The following EXOC3 variants were observed in gnomAD, a reference collection of about 807,000 sequenced individuals.
The protein encoded by EXOC3 is SEC6-like 1.
In EXOC3, 21 loss-of-function variants were observed where a neutral mutation model predicts 73.7. The observed-to-expected ratio is 0.29, with a 90% confidence interval of 0.20 to 0.41. EXOC3 has a LOEUF of 0.41. EXOC3 is among the 10% of genes least tolerant of loss of function. EXOC3 has a pLI of 1.00. For missense variants in EXOC3, 842 were observed against 985.1 expected (o/e 0.85, Z 1.95); for synonymous variants, 410 against 389.1 (o/e 1.05, Z -0.63).
At position 465,209 on chromosome 5, in the gene EXOC3, G is replaced by C; in HGVS notation, c.1875G>C (p.Glu625Asp). 6.3e-7 allele frequency: 1 copy of C among 1,594,290 alleles called. No individual in the cohort carries two copies. Among genetic ancestry groups the C allele is most frequent in the Non-Finnish European group, 8.5e-7 (1 of 1,170,804 alleles). ...TCCGGAGCCCGGAGGAGCGCAAGGAGGGTGCCGAGAAGATGGTTAGGGAGG... is the reference window on the plus strand; with the variant it reads ...TCCGGAGCCCGGAGGAGCGCAAGGACGGTGCCGAGAAGATGGTTAGGGAGG... ...ISFRSPEERK[E>D]GAEKMVREAE... is the part of the protein sequence containing the mutation. The change falls in exon 11 of 13, where the codon GAG becomes GAC. Residue 625 changes from glutamate (E) to aspartate (D), a missense_variant. Transcript: ENST00000512944.
At chr5:463,773 T>C (rs1738055294) in intron 9 of EXOC3, among the ~76,000 whole-genome samples, 1 of 152,246 alleles carries the variant, frequency 6.6e-6, no homozygotes, top group Non-Finnish European at 1.5e-5. Context: ...TTATACAGAT[T>C]CACTGTTGCA....
chr5:452,791 A>T (rs1363681686), intron 3 of EXOC3, among the ~76,000 whole-genome samples: 1 of 152,122 alleles, frequency 6.6e-6, no homozygotes, highest in East Asian at 1.9e-4. Flanking sequence ...CCACTTCCGA[A>T]TTTTTCCTAT....
chr5:466,946 C>A lies in EXOC3; in HGVS notation c.*48C>A. ...GCCCCTCCACAGCCTCGGTCCCTGCCTTTAGAAACGCGGGACAGCTGATTG... is the reference window on the plus strand; with the variant it reads ...GCCCCTCCACAGCCTCGGTCCCTGCATTTAGAAACGCGGGACAGCTGATTG... On this transcript the variant is annotated 3_prime_UTR_variant, in exon 13 of 13. Transcript: ENST00000512944. 1.3e-6 allele frequency: 2 copies of A among 1,524,408 alleles called. No individual in the cohort carries two copies. Among genetic ancestry groups the A allele is most frequent in the Non-Finnish European group, 8.9e-7 (1 of 1,126,914 alleles). 94.4% of individuals were successfully genotyped at this position (1,524,408 alleles called of 1,614,324 possible). A position where few individuals can be genotyped will look rare whatever the true frequency, so the allele number is the denominator to read the frequency against.
At chr5:464,702 C>T (rs1377631696) in intron 10 of EXOC3, 14 of 406,304 alleles carry the variant, frequency 3.4e-5, no homozygotes, top group Non-Finnish European at 6.4e-5. Context: ...CCTGAGGCCC[C>T]AGGGATTTCT....
intron 1 of EXOC3, among the ~76,000 whole-genome samples, chr5:445,247 C>T (rs75808692): frequency 0.02 from 3,002 of 152,024 alleles, 43 homozygotes; most frequent in Non-Finnish European, 0.032. Flanking sequence ...GTGGTCTGCA[C>T]GGGGCCTGCA....
Position 453,541 on chromosome 5 carries a change from G to A in EXOC3, c.536G>A (p.Ser179Asn), listed in dbSNP as rs1737715667. 16 of 1,614,038 alleles carry A rather than the reference G, an allele frequency of 9.9e-6. No individual in the cohort carries two copies. Among genetic ancestry groups the A allele is most frequent in the Non-Finnish European group, 1.4e-5 (16 of 1,179,896 alleles). The change falls in exon 4 of 13, where the codon AGC (serine) becomes AAC (asparagine). Residue 179 changes from serine (S) to asparagine (N), a missense_variant. Ser to Asn is a conservative substitution (Grantham distance 46). Transcript: ENST00000512944. ...ACCCTCATCCATGGCTACTTTGGCAGCACGCAGGGGCTCTCTGATGAGCTG... is the reference window on the plus strand; with the variant it reads ...ACCCTCATCCATGGCTACTTTGGCAACACGCAGGGGCTCTCTGATGAGCTG... Reference protein sequence around the residue: ...DMTLIHGYFGSTQGLSDELAK... With the variant: ...DMTLIHGYFGNTQGLSDELAK...
chr5:458,663 G>A (rs1392649935), intron 6 of EXOC3, among the ~76,000 whole-genome samples: 1 of 152,188 alleles, frequency 6.6e-6, no homozygotes, highest in Non-Finnish European at 1.5e-5. Context: ...TCCAGTGTCC[G>A]ACCGCCCTGT....
chr5:449,769 G>A (rs551967570), intron 3 of EXOC3, among the ~76,000 whole-genome samples: 1 of 152,338 alleles, frequency 6.6e-6, no homozygotes, highest in East Asian at 1.9e-4. Context: ...GTGTACAGAT[G>A]TTTTACTTTT....
Position 466,746 on chromosome 5 carries a change from C to T in EXOC3, c.2086C>T (p.Leu696=). The T allele has an allele frequency of 6.2e-7, 1 of 1,613,002 alleles. No homozygotes were observed. Among genetic ancestry groups the T allele is most frequent in the Non-Finnish European group, 8.5e-7 (1 of 1,179,714 alleles). The change falls in exon 13 of 13, where the codon CTG becomes TTG. Residue 696 remains leucine, a synonymous_variant. Coordinates refer to ENST00000512944, the MANE Select transcript of EXOC3 (RefSeq NM_007277.5). ...PDIRDDHIGA[L]LAVRGDASRD... ...CCCCAGGGATGACCACATCGGTGCGCTGCTGGCTGTGCGTGGGGACGCCAG... is the reference window on the plus strand; with the variant it reads ...CCCCAGGGATGACCACATCGGTGCGTTGCTGGCTGTGCGTGGGGACGCCAG...
At chr5:446,924 A>G (rs555130804) in intron 2 of EXOC3, 4 of 155,112 alleles carry the variant, frequency 2.6e-5, no homozygotes, top group Non-Finnish European at 5.7e-5. Flanking sequence ...TTTAAACAAT[A>G]CTGGAGGAAG....
chr5:457,324 C>G (rs1737848307), intron 5 of EXOC3: 1 of 332,982 alleles, frequency 3.0e-6, no homozygotes. Context: ...GCTCTGAGTC[C>G]CATGGTTGGG....
chr5:443,869 C>T (rs1376166828), intron 1 of EXOC3, among the ~76,000 whole-genome samples: 1 of 152,006 alleles, frequency 6.6e-6, no homozygotes, highest in Non-Finnish European at 1.5e-5. Context: ...AGGTGTCCCT[C>T]GTCGGAGCAG....
chr5:456,032 C>T (rs973763569), intron 4 of EXOC3, among the ~76,000 whole-genome samples: 8 of 152,286 alleles, frequency 5.3e-5, no homozygotes, highest in African/African-American at 1.2e-4. Context: ...CTGTATTGTA[C>T]GTTCCAGTCA....
intron 3 of EXOC3, among the ~76,000 whole-genome samples, chr5:451,149 TTTGA>T (rs1737649985): frequency 6.6e-6 from 1 of 152,208 alleles, no homozygotes; most frequent in Non-Finnish European, 1.5e-5. Flanking sequence ...TTTTTGTGCT[TTTGA>T]TTATTTTGGT....
Position 447,592 on chromosome 5 carries a change from C to G in EXOC3, c.204C>G (p.Ala68=). The change falls in exon 3 of 13, where the codon GCC becomes GCG. Residue 68 remains alanine, a synonymous_variant. Coordinates refer to ENST00000512944, the MANE Select transcript of EXOC3 (RefSeq NM_007277.5). ...VRTGLSQLHN[A]LNDVKDIQQS... is the part of the protein sequence containing the mutation. ...CAGGCCTCAGCCAGCTCCACAACGC[C>G]CTGAATGACGTCAAAGACATCCAGC... is the stretch of plus-strand genomic sequence containing the variant. 6.3e-7 allele frequency: 1 copy of G among 1,591,300 alleles called. No individual in the cohort carries two copies. The highest frequency in any genetic ancestry group is 8.6e-7 in the Non-Finnish European group (1 of 1,168,804).
intron 12 of EXOC3, chr5:466,476 C>T (rs989395039): frequency 3.9e-6 from 2 of 507,500 alleles, no homozygotes; most frequent in African/African-American, 1.9e-5. Flanking sequence ...ACGGTCTCCC[C>T]TCTGGTTGGG....
chr5:454,199 C>T (rs1737738153), intron 4 of EXOC3, 148 bp downstream of exon 4: 2 of 645,096 alleles, frequency 3.1e-6, no homozygotes, highest in Non-Finnish European at 5.3e-6. Context: ...CCAGGGGTGT[C>T]TTCTTTCTGC....
At position 453,894 on chromosome 5, in the gene EXOC3, A is replaced by G. The variant is rs776349329; in HGVS notation, c.889A>G (p.Met297Val). 2 of 1,613,782 alleles carry G rather than the reference A, an allele frequency of 1.2e-6. No individual in the cohort carries two copies. The highest frequency in any genetic ancestry group is 2.7e-5 in the African/African-American group (2 of 74,878). The change falls in exon 4 of 13, where the codon ATG becomes GTG. Residue 297 changes from methionine to valine, a missense_variant. By Grantham distance (21) the Met-to-Val change is conservative (BLOSUM62 1). Coordinates refer to ENST00000512944, the MANE Select transcript of EXOC3 (RefSeq NM_007277.5). ...LDDLIVAKNL[M>V]VQCFPPHYEI... ...TGACCTCATTGTCGCCAAAAACCTG[A>G]TGGTTCAGTGCTTTCCTCCCCACTA...
At position 446,319 on chromosome 5, in the gene EXOC3, G is replaced by A; in HGVS notation, c.114G>A (p.Arg38=). 1.9e-6 allele frequency: 3 copies of A among 1,612,680 alleles called. 1 individual carries two copies. Among genetic ancestry groups the A allele is most frequent in the South Asian group, 2.2e-5 (2 of 90,962 alleles). Residue 38 remains arginine (R), a synonymous_variant, in exon 2 of 13, where the codon CGG becomes CGA. Coordinates refer to ENST00000512944, the MANE Select transcript of EXOC3 (RefSeq NM_007277.5). ...AGCAGTATCGCAGGAGAGAAGCGCGGAAGAAGGCCTCCGTGGAGGCCAGAT... is the reference window on the plus strand; with the variant it reads ...AGCAGTATCGCAGGAGAGAAGCGCGAAAGAAGGCCTCCGTGGAGGCCAGAT... The part of the protein sequence containing the change: ...KVEQYRRREA[R]KKASVEARLK...
Sources: allele counts gnomAD v4.1 joint callset (sites outside exome capture counted in the v4.1 genomes callset), GRCh38; gene constraint gnomAD v4.1.1; transcripts MANE v1.5; gene names NCBI Gene and HGNC (gene_info 2026-07-23, HGNC 2026-07-21).